The following SRGAP2B variants were observed in gnomAD, a reference collection of about 807,000 sequenced individuals.
SRGAP2B encodes SLIT-ROBO Rho GTPase-activating protein 2B.
SRGAP2B carries 9 observed loss-of-function variants against 22.2 expected under a neutral mutation model. The ratio of observed to expected loss-of-function variants is 0.41; its 90% CI spans 0.24 to 0.71. The LOEUF is 0.71. Among genes scored for constraint, SRGAP2B ranks in the 30% least tolerant of loss-of-function variants. SRGAP2B has a pLI of 0.35. For missense variants in SRGAP2B, 114 were observed against 235.8 expected, an observed-to-expected ratio of 0.48 and a Z score of 3.38; for synonymous variants, 36 against 87.4, an observed-to-expected ratio of 0.41 and a Z score of 3.28.
exon 2 of SRGAP2B, chr1:145,093,340 G>C: frequency 9.3e-5 from 1 of 10,806 alleles, no homozygotes; most frequent in Middle Eastern, 0.011. Flanking sequence ...GGCGTGCTTC[G>C]CGGTTTTTTG....
intron 3 of SRGAP2B, among the ~76,000 whole-genome samples, chr1:144,969,819 T>C (rs1305072404): frequency 6.6e-6 from 1 of 150,396 alleles, no homozygotes; most frequent in Non-Finnish European, 1.5e-5. Context: ...AACAACCCCA[T>C]CAAAAAGTGG....
At chr1:145,073,161 G>A (rs587607129) in intron 2 of SRGAP2B, among the ~76,000 whole-genome samples, 1 of 150,602 alleles carries the variant, frequency 6.6e-6, no homozygotes, top group East Asian at 1.9e-4. Flanking sequence ...TTCTGAAAGT[G>A]AAAGGTAAGA....
chr1:145,007,099 G>A (rs1173601966), intron 2 of SRGAP2B, among the ~76,000 whole-genome samples: 2 of 150,288 alleles, frequency 1.3e-5, no homozygotes, highest in Non-Finnish European at 2.9e-5. Flanking sequence ...CTACATGCCT[G>A]ATGCCTAGTA....
intron 3 of SRGAP2B, among the ~76,000 whole-genome samples, chr1:144,968,940 T>C (rs1553612727): frequency 8.3e-4 from 3 of 3,622 alleles, no homozygotes; most frequent in Non-Finnish European, 1.4e-3. Context: ...TTACAAGGGA[T>C]GTGAAGGACC....
At chr1:144,985,445 A>G (rs587693039) in intron 3 of SRGAP2B, among the ~76,000 whole-genome samples, 1 of 151,276 alleles carries the variant, frequency 6.6e-6, no homozygotes, top group Non-Finnish European at 1.5e-5. Flanking sequence ...AGCTATTAAA[A>G]GCAGGAGATC....
At chr1:144,997,252 C>A (rs1190531680) in intron 2 of SRGAP2B, among the ~76,000 whole-genome samples, 12 of 150,770 alleles carry the variant, frequency 8.0e-5, no homozygotes, top group Non-Finnish European at 1.3e-4. Context: ...CATGGTGAAA[C>A]CCTGTCTCTA....
chr1:144,929,638 A>C (rs1466187593), intron 4 of SRGAP2B, among the ~76,000 whole-genome samples: 3 of 151,222 alleles, frequency 2.0e-5, no homozygotes, highest in African/African-American at 7.4e-5. Context: ...CATAGGCCTA[A>C]TTATTTATAA....
At position 144,971,553 on chromosome 1, in the gene SRGAP2B, C is replaced by T. The variant is rs587707991; in HGVS notation, c.261-15952G>A. ...CAAGCAATCCTCCCGCCTCAGCCTC[C>T]CAAAGTGCCAGGCTCACAATTATGA... On this transcript the variant is annotated intron_variant, in intron 3 of 9. Coordinates refer to ENST00000612199, the Ensembl canonical transcript of SRGAP2B. Among the ~76,000 whole-genome samples, 4 of 150,962 alleles carry T rather than the reference C, an allele frequency of 2.6e-5. No individual in the cohort carries two copies. The South Asian group carries it at 8.3e-4, about 31-fold the overall frequency.
At chr1:144,987,804 G>C (rs1253507997) in intron 3 of SRGAP2B, among the ~76,000 whole-genome samples, 3 of 150,932 alleles carry the variant, frequency 2.0e-5, no homozygotes, top group Non-Finnish European at 4.4e-5. Context: ...TTAACACTTG[G>C]TTATCTTTTG....
At chr1:144,912,052 G>A (rs1236343719) in intron 5 of SRGAP2B, among the ~76,000 whole-genome samples, 2 of 146,580 alleles carry the variant, frequency 1.4e-5, no homozygotes, top group African/African-American at 5.2e-5. Flanking sequence ...CCAGGTTCAA[G>A]CCATTCTCCT....
At chr1:144,981,339 C>G (rs1291325069) in intron 3 of SRGAP2B, among the ~76,000 whole-genome samples, 1 of 84,338 alleles carries the variant, frequency 1.2e-5, no homozygotes, top group Non-Finnish European at 2.3e-5. Flanking sequence ...CGCACACTAG[C>G]ACTGTTGTCA....
At chr1:145,041,093 A>ATAGTG (rs1553627478) in intron 2 of SRGAP2B, among the ~76,000 whole-genome samples, 1 of 122,306 alleles carries the variant, frequency 8.2e-6, no homozygotes, top group Non-Finnish European at 1.7e-5. Flanking sequence ...ATATATATAT[A>ATAGTG]TATATATATA....
At chr1:145,016,859 T>G (rs1474551371) in intron 2 of SRGAP2B, among the ~76,000 whole-genome samples, 5 of 151,012 alleles carry the variant, frequency 3.3e-5, no homozygotes, top group East Asian at 3.9e-4. Flanking sequence ...TTTTTTTGTT[T>G]TTTTTTTGAG....
intron 2 of SRGAP2B, among the ~76,000 whole-genome samples, chr1:144,997,166 C>T (rs1177008703): frequency 5.3e-5 from 8 of 150,544 alleles, no homozygotes; most frequent in Non-Finnish European, 1.0e-4. Flanking sequence ...CGGTGGCTCA[C>T]GCCTGTAATC....
chr1:144,911,788 T>G (rs1227922832), intron 5 of SRGAP2B, among the ~76,000 whole-genome samples: 4 of 143,966 alleles, frequency 2.8e-5, no homozygotes, highest in Non-Finnish European at 4.5e-5. Flanking sequence ...CGGCTAGTTT[T>G]TAATATATTT....
chr1:144,984,971 G>T (rs1343115931), intron 3 of SRGAP2B, among the ~76,000 whole-genome samples: 93 of 135,780 alleles, frequency 6.8e-4, no homozygotes, highest in Non-Finnish European at 1.2e-3. Flanking sequence ...CTTTCTTCTA[G>T]CTGTGCCCCT....
intron 3 of SRGAP2B, among the ~76,000 whole-genome samples, chr1:144,976,749 A>G (rs1300926575): frequency 8.5e-6 from 1 of 117,318 alleles, no homozygotes; most frequent in Non-Finnish European, 1.6e-5. Context: ...GAACATTAAA[A>G]TAAAGATGGT....
chr1:145,044,649 C>CAAAAAAAAAAA (rs1649540395), intron 2 of SRGAP2B, among the ~76,000 whole-genome samples: 1 of 53,666 alleles, frequency 1.9e-5, no homozygotes, highest in Non-Finnish European at 3.3e-5. Flanking sequence ...GAACCCCCTC[C>CAAAAAAAAAAA]TAAAAAAAAA....
chr1:144,965,268 T>A (rs1667992588), intron 3 of SRGAP2B: 1 of 470,586 alleles, frequency 2.1e-6, no homozygotes, highest in East Asian at 4.2e-5. Flanking sequence ...GAGCAGTGGT[T>A]CTCCCAGCAC....
Sources: allele counts gnomAD v4.1 joint callset (sites outside exome capture counted in the v4.1 genomes callset), GRCh38; gene constraint gnomAD v4.1.1; transcripts MANE v1.5; gene names NCBI Gene and HGNC (gene_info 2026-07-23, HGNC 2026-07-21).